Variants in CDKL5 observed in about 807,000 individuals in gnomAD.
CDKL5 encodes cyclin-dependent kinase-like 5.
In CDKL5, 8 loss-of-function variants were observed where a neutral mutation model predicts 61.7. The observed-to-expected ratio is 0.13, with a 90% CI of 0.08 to 0.23. CDKL5 has a LOEUF of 0.23. CDKL5 is among the 10% of genes least tolerant of loss of function. The pLI is 1.00. For missense variants in CDKL5, 440 were observed against 734.5 expected (o/e 0.60, Z 4.63); for synonymous variants, 275 against 272.3 (o/e 1.01, Z -0.10).
In CDKL5 at chrX:18,632,657, G is replaced by A. The variant is rs1015764245; in HGVS notation, c.*3900G>A. The A allele has an allele frequency of 3.2e-5, 24 of 752,680 alleles. No individual in the cohort carries two copies. The African/African-American group carries it at 5.1e-4, about 16-fold the overall frequency. The allele number at this position is 752,680 out of a possible 1,213,427, so 62.0% of individuals were successfully genotyped here. On this transcript the variant is annotated 3_prime_UTR_variant, in exon 18 of 18. Transcript: ENST00000623535. ...CATGCTTTAAGATTCACCTTACGCA[G>A]TTGTACTTTAATTCTAAGCTCAGAG...
intron 4 of CDKL5, among the ~76,000 whole-genome samples, chrX:18,567,158 A>G (rs1056173190): frequency 1.8e-4 from 20 of 111,960 alleles, no homozygotes; most frequent in Admixed American, 1.4e-3. Context: ...GCTTAATGGA[A>G]AAAAGGGTAC....
At chrX:18,608,999 C>A (rs978709376) in intron 13 of CDKL5, 87 bp downstream of exon 13, 8 of 651,057 alleles carry the variant, frequency 1.2e-5, no homozygotes, top group African/African-American at 8.6e-5. Context: ...CAGTCTCCCA[C>A]AAATAAGTTG....
intron 14 of CDKL5, among the ~76,000 whole-genome samples, chrX:18,612,284 A>G (rs942789217): frequency 4.5e-5 from 5 of 111,885 alleles, no homozygotes; most frequent in Admixed American, 9.5e-5. Flanking sequence ...AATAGATTTT[A>G]CATTGTTGGT....
At chrX:18,489,656 C>T (rs1187693812) in intron 1 of CDKL5, among the ~76,000 whole-genome samples, 2 of 111,062 alleles carry the variant, frequency 1.8e-5, no homozygotes, top group East Asian at 2.8e-4. Context: ...TGGAAGCACC[C>T]CCCTCCCCAC....
intron 3 of CDKL5, among the ~76,000 whole-genome samples, chrX:18,550,598 C>T (rs2147121924): frequency 8.9e-6 from 1 of 111,931 alleles, no homozygotes; most frequent in African/African-American, 3.2e-5. Context: ...GGATATATTT[C>T]CTGCATTTAA....
chrX:18,429,745 C>G (rs1931442885), intron 1 of CDKL5, among the ~76,000 whole-genome samples: 2 of 111,984 alleles, frequency 1.8e-5, no homozygotes, highest in African/African-American at 6.5e-5. Context: ...AGTGGATCCT[C>G]CCATCTCAGC....
At chrX:18,585,743 C>T (rs1220292268) in intron 8 of CDKL5, among the ~76,000 whole-genome samples, 1 of 111,446 alleles carries the variant, frequency 9.0e-6, no homozygotes, top group Non-Finnish European at 1.9e-5. Flanking sequence ...TTGGGACCAC[C>T]CAAAAACAGA....
chrX:18,447,689 CT>C (rs1355711570), intron 1 of CDKL5, among the ~76,000 whole-genome samples: 2 of 111,204 alleles, frequency 1.8e-5, no homozygotes, highest in Non-Finnish European at 3.8e-5. Context: ...GTGTGGGCTT[CT>C]TGATGATCTA....
At chrX:18,562,034 A>T (rs1000915980) in intron 3 of CDKL5, among the ~76,000 whole-genome samples, 8 of 111,888 alleles carry the variant, frequency 7.2e-5, no homozygotes, top group Non-Finnish European at 1.5e-4. Flanking sequence ...TTTGTAACAG[A>T]ATTTGTCAAC....
chrX:18,427,787 A>G (rs766407002), intron 1 of CDKL5, among the ~76,000 whole-genome samples: 46 of 111,313 alleles, frequency 4.1e-4, no homozygotes, highest in Non-Finnish European at 7.9e-4. Flanking sequence ...CAGTCTTAAA[A>G]TTTATTCATG....
intron 12 of CDKL5, 116 bp downstream of exon 12, chrX:18,604,984 T>C: frequency 2.3e-6 from 2 of 881,297 alleles, no homozygotes; most frequent in Non-Finnish European, 3.3e-6. Flanking sequence ...CTTTTCTTGA[T>C]AGGATGCATT....
At chrX:18,554,989 C>T (rs907196777) in intron 3 of CDKL5, among the ~76,000 whole-genome samples, 7 of 110,744 alleles carry the variant, frequency 6.3e-5, no homozygotes, top group African/African-American at 2.3e-4. Context: ...GTGCATAACG[C>T]GTAGGTTTGT....
chrX:18,633,839 C>G lies in CDKL5; in HGVS notation c.*5082C>G. 1.3e-6 allele frequency: 1 copy of G among 754,231 alleles called. No individual in the cohort carries two copies. 62.2% of individuals were successfully genotyped at this position (754,231 alleles called of 1,213,427 possible). A position where few individuals can be genotyped will look rare whatever the true frequency, so the allele number is the denominator to read the frequency against. On this transcript the variant is annotated 3_prime_UTR_variant, in exon 18 of 18. Transcript: ENST00000623535. ...TTGGTCCTGGCTCCACCTTTCTCCT[C>G]TCCGGGCACTGACCCCACCTTTCCG...
chrX:18,432,385 A>G (rs1359802736), intron 1 of CDKL5, among the ~76,000 whole-genome samples: 1 of 109,403 alleles, frequency 9.1e-6, no homozygotes, highest in Admixed American at 9.9e-5. Context: ...GGCATGAGCC[A>G]TCATGCCTGG....
At chrX:18,645,603 G>A (rs947838840) in intron 19 of CDKL5, among the ~76,000 whole-genome samples, 3 of 110,178 alleles carry the variant, frequency 2.7e-5, no homozygotes, top group South Asian at 3.9e-4. Context: ...TACTTCTGTC[G>A]GTCTCCACCG....
chrX:18,465,403 G>A (rs1184916042), intron 1 of CDKL5, among the ~76,000 whole-genome samples: 1 of 111,776 alleles, frequency 8.9e-6, no homozygotes. Context: ...GGTGGCTTAT[G>A]CCTGTAATCC....
At chrX:18,648,097 G>T (rs1004795603) in intron 20 of CDKL5, among the ~76,000 whole-genome samples, 7 of 111,285 alleles carry the variant, frequency 6.3e-5, no homozygotes, top group Non-Finnish European at 9.4e-5. Flanking sequence ...AGCTACTCGG[G>T]AGGCTGAGGC....
chrX:18,643,406 C>A (rs1196312603), downstream of CDKL5, among the ~76,000 whole-genome samples: 1 of 111,006 alleles, frequency 9.0e-6, no homozygotes, highest in East Asian at 2.8e-4. Flanking sequence ...TGTCTTTGAG[C>A]CTATTCAAGT....
At chrX:18,542,659 A>AT (rs199564053) in intron 3 of CDKL5, among the ~76,000 whole-genome samples, 2,472 of 95,918 alleles carry the variant, frequency 0.026, 107 homozygotes, top group Admixed American at 0.15. Flanking sequence ...TAATATGATG[A>AT]TTTTTTTTTT....
Sources: gnomAD v4.1 joint callset for allele counts (sites outside exome capture counted in the v4.1 genomes callset) on GRCh38, gnomAD v4.1.1 for gene constraint, MANE v1.5 for transcripts, NCBI Gene and HGNC (gene_info 2026-07-23, HGNC 2026-07-21) for gene names.